The following MARK3 variants were observed in gnomAD, a reference collection of about 807,000 sequenced individuals.
MARK3 encodes MAP/microtubule affinity-regulating kinase 3.
Under a neutral mutation model 90.1 loss-of-function variants are expected in MARK3, and 46 were observed. The observed-to-expected ratio is 0.51, with a 90% CI of 0.40 to 0.65. MARK3 has a LOEUF of 0.65. Ranked by LOEUF, MARK3 falls within the 30% of genes least tolerant of loss-of-function variation. The pLI is 0.00. For synonymous variants in MARK3, 321 were observed against 332.6 expected, an observed-to-expected ratio of 0.97 and a Z score of 0.38; for missense variants, 818 against 947.2, an observed-to-expected ratio of 0.86 and a Z score of 1.79.
intron 1 of MARK3, among the ~76,000 whole-genome samples, chr14:103,393,273 C>G (rs1298806067): frequency 6.6e-6 from 1 of 152,136 alleles, no homozygotes; most frequent in Non-Finnish European, 1.5e-5. Flanking sequence ...AGGCGTGAGC[C>G]ACTGTGCCCC....
rs2094023033 is a variant in MARK3, at chr14:103,491,910, A to G, written c.1720A>G (p.Thr574Ala). 2 of 1,614,164 alleles carry G rather than the reference A, an allele frequency of 1.2e-6. No individual in the cohort carries two copies. Among genetic ancestry groups the G allele is most frequent in the Non-Finnish European group, 1.7e-6 (2 of 1,180,036 alleles). ...CCACGGCCAGCCCCGGGAACGGCGA[A>G]CCGCAACATATAATGGCCCTCCTGC... ...TFHGQPRERR[T>A]ATYNGPPASP... Residue 574 changes from threonine (T) to alanine (A), a missense_variant, in exon 15 of 18, where the codon ACC (threonine) becomes GCC (alanine). Around this residue, in one of 3 missense-constraint regions of MARK3, gnomAD observed 560 missense variants for 613.5 expected, o/e 0.91. Transcript: ENST00000429436.
intron 12 of MARK3, among the ~76,000 whole-genome samples, chr14:103,470,742 TC>T (rs2093613044): frequency 6.6e-6 from 1 of 151,630 alleles, no homozygotes; most frequent in African/African-American, 2.4e-5. Flanking sequence ...CAGGCATGAG[TC>T]ACTGCGCTCG....
At chr14:103,404,964 TTTAAGA>T (rs1310230457) in intron 1 of MARK3, 106 bp from the exon 2 acceptor site, 9 of 743,020 alleles carry the variant, frequency 1.2e-5, no homozygotes, top group African/African-American at 1.9e-5. Flanking sequence ...TGCTAGATAC[TTTAAGA>T]TTAAAATTAA....
chr14:103,466,029 G>A lies in MARK3; in HGVS notation c.835G>A (p.Asp279Asn). The A allele has an allele frequency of 6.2e-7, 1 of 1,613,954 alleles. No homozygotes were observed. Among genetic ancestry groups the A allele is most frequent in the Non-Finnish European group, 8.5e-7 (1 of 1,179,938 alleles). ...CAGAATTCCCTTCTACATGTCTACAGACTGTGAAAACCTTCTCAAACGTTT... is the reference window on the plus strand; with the variant it reads ...CAGAATTCCCTTCTACATGTCTACAAACTGTGAAAACCTTCTCAAACGTTT... ...KYRIPFYMST[D>N]CENLLKRFLV... Residue 279 changes from aspartate (D) to asparagine (N), a missense_variant, in exon 9 of 18, where the codon GAC becomes AAC. Around this residue, in one of 3 missense-constraint regions of MARK3, gnomAD observed 560 missense variants for 613.5 expected, o/e 0.91. Coordinates refer to ENST00000429436, the MANE Select transcript of MARK3 (RefSeq NM_001128918.3).
In MARK3 at chr14:103,402,762, A is replaced by G. The variant is rs1463927848; in HGVS notation, c.52-2314A>G. Among the ~76,000 whole-genome samples, 3 of 152,160 alleles carry G rather than the reference A, an allele frequency of 2.0e-5. No homozygotes were observed. In the East Asian group the frequency reaches 5.8e-4, roughly 29 times the overall value. On this transcript the variant is annotated intron_variant, in intron 1 of 17. Coordinates refer to ENST00000429436, the MANE Select transcript of MARK3 (RefSeq NM_001128918.3). The stretch of plus-strand genomic sequence containing the variant: ...GCACACAGACCACAGGGTGGTCTTC[A>G]GTATGTATGAAGAACAAAGTAAAGG...
chr14:103,458,809 C>T (rs947846205), intron 6 of MARK3: 22 of 670,556 alleles, frequency 3.3e-5, no homozygotes, highest in Non-Finnish European at 5.9e-5. Context: ...AGTGATAGGA[C>T]TTATTAAGTT....
At chr14:103,474,926 G>T in intron 12 of MARK3, 67 bp from the exon 13 acceptor site, 1 of 1,254,486 alleles carries the variant, frequency 8.0e-7, no homozygotes, top group East Asian at 2.4e-5. Context: ...TACAAAATAT[G>T]GTTACTGTCA....
At chr14:103,397,348 A>G (rs1002551499) in intron 1 of MARK3, among the ~76,000 whole-genome samples, 4 of 136,232 alleles carry the variant, frequency 2.9e-5, no homozygotes, top group South Asian at 2.3e-4. Flanking sequence ...TTTTTTTGAG[A>G]TGAAGTCTCA....
At chr14:103,451,163 G>A (rs180974420) in intron 4 of MARK3, among the ~76,000 whole-genome samples, 36 of 151,882 alleles carry the variant, frequency 2.4e-4, no homozygotes, top group Non-Finnish European at 3.1e-4. Context: ...CAACTCCTCA[G>A]CAGAAACGAT....
chr14:103,489,268 G>A (rs1455970272), intron 14 of MARK3: 3 of 152,236 alleles, frequency 2.0e-5, no homozygotes, highest in African/African-American at 4.8e-5. Flanking sequence ...CTGACCAATG[G>A]ACCACACATC....
chr14:103,496,106 A>G lies in MARK3; in HGVS notation c.1845-2396A>G, dbSNP rs141378175. On this transcript the variant is annotated intron_variant, in intron 15 of 17. Transcript: ENST00000429436. ...GCAGAGTCACCCATACCCTGCAGGCAGAACAGCCAGGCACACGCAAGTGCC... is the reference window on the plus strand; with the variant it reads ...GCAGAGTCACCCATACCCTGCAGGCGGAACAGCCAGGCACACGCAAGTGCC... Among the ~76,000 whole-genome samples, 140 of 152,344 alleles carry G rather than the reference A, an allele frequency of 9.2e-4. 2 individuals carry two copies. Among genetic ancestry groups the G allele is most frequent in the African/African-American group, 3.3e-3 (139 of 41,588 alleles).
Position 103,428,419 on chromosome 14 carries a change from G to A in MARK3, c.276G>A (p.Leu92=). The change falls in exon 3 of 18, where the codon TTG becomes TTA. Residue 92 remains leucine (L), a synonymous_variant. Coordinates refer to ENST00000429436, the MANE Select transcript of MARK3 (RefSeq NM_001128918.3). ...VAIKIIDKTQ[L]NPTSLQKLFR... ...TAAAAATAATTGACAAAACTCAGTT[G>A]AATCCAACAAGTCTACAAAAGGTAA... 6.7e-7 allele frequency: 1 copy of A among 1,503,670 alleles called. No homozygotes were observed. Among genetic ancestry groups the A allele is most frequent in the East Asian group, 2.4e-5 (1 of 41,792 alleles). 93.1% of individuals were successfully genotyped at this position (1,503,670 alleles called of 1,614,324 possible). A position where few individuals can be genotyped will look rare whatever the true frequency, so the allele number is the denominator to read the frequency against.
intron 14 of MARK3, among the ~76,000 whole-genome samples, chr14:103,485,997 G>T (rs1266488461): frequency 1.3e-5 from 2 of 152,018 alleles, no homozygotes; most frequent in African/African-American, 4.8e-5. Context: ...TATCAATTAA[G>T]GTTTAAATGT....
chr14:103,413,724 C>G (rs572044241), intron 2 of MARK3, among the ~76,000 whole-genome samples: 1 of 152,128 alleles, frequency 6.6e-6, no homozygotes, highest in Non-Finnish European at 1.5e-5. Context: ...TCCCAAAGTG[C>G]TGAGATTACA....
chr14:103,412,560 T>TC, intron 2 of MARK3: 2 of 635,596 alleles, frequency 3.1e-6, no homozygotes, highest in Non-Finnish European at 5.6e-6. Flanking sequence ...GTGCTGCTGT[T>TC]CCCCCAGGAC....
In MARK3 at chr14:103,461,549, A is replaced by G. The variant is rs537060407; in HGVS notation, c.484-856A>G. Among the ~76,000 whole-genome samples, 3 of 152,222 alleles carry G rather than the reference A, an allele frequency of 2.0e-5. No homozygotes were observed. The South Asian group carries it at 6.2e-4, about 32-fold the overall frequency. On this transcript the variant is annotated intron_variant, in intron 6 of 17. Transcript: ENST00000429436. ...AACATTCATTCCTCCATTTTAATAA[A>G]GGAAGAGGAAACTGACCCTCAGAGA... is the stretch of plus-strand genomic sequence containing the variant.
At chr14:103,415,590 A>G (rs571260099) in intron 2 of MARK3, among the ~76,000 whole-genome samples, 1 of 152,118 alleles carries the variant, frequency 6.6e-6, no homozygotes, top group African/African-American at 2.4e-5. Context: ...GGTGTGAAAT[A>G]TTGCCTGTTT....
At chr14:103,473,376 A>C (rs1005667506) in intron 12 of MARK3, among the ~76,000 whole-genome samples, 2 of 152,242 alleles carry the variant, frequency 1.3e-5, no homozygotes, top group African/African-American at 4.8e-5. Context: ...AGGTCAGTGG[A>C]TTAGATCAAG....
intron 1 of MARK3, among the ~76,000 whole-genome samples, chr14:103,391,698 C>T (rs1381272326): frequency 6.8e-6 from 1 of 146,618 alleles, no homozygotes; most frequent in Non-Finnish European, 1.5e-5. Context: ...CTCCCGCCAC[C>T]ATGCCTGGCT....
Sources: allele counts gnomAD v4.1 joint callset (sites outside exome capture counted in the v4.1 genomes callset), GRCh38; gene constraint gnomAD v4.1.1; regional missense constraint gnomAD v4.1.1; transcripts MANE v1.5; gene names NCBI Gene and HGNC (gene_info 2026-07-23, HGNC 2026-07-21).